COG5: variants seen among roughly 807,000 people sequenced by gnomAD.
COG5 encodes conserved oligomeric Golgi complex subunit 5.
In COG5, 86 loss-of-function variants were observed where a neutral mutation model predicts 110.4. That is an observed-to-expected ratio of 0.78 (90% CI 0.65 to 0.93). COG5 has a LOEUF of 0.93. Ranked by LOEUF, COG5 falls within the 40% of genes least tolerant of loss-of-function variation. The pLI is 0.00. For synonymous variants in COG5, 360 were observed against 334.6 expected (o/e 1.08, Z -0.83); for missense variants, 1,077 against 987.0 (o/e 1.09, Z -1.22).
intron 2 of COG5, among the ~76,000 whole-genome samples, chr7:107,554,771 C>T (rs1803179350): frequency 6.6e-6 from 1 of 152,056 alleles, no homozygotes; most frequent in African/African-American, 2.4e-5. Context: ...CAGTCTTCCT[C>T]GGGCCTCTCC....
In COG5 at chr7:107,384,256, G is replaced by A. The variant is rs369605785; in HGVS notation, c.670-11496C>T. On this transcript the variant is annotated intron_variant, in intron 7 of 21. Transcript: ENST00000297135. The stretch of plus-strand genomic sequence containing the variant: ...CCCCCTGTCAGCAAGAGGCAGTTAA[G>A]ATCAGTCTTCATCTTTACCCTTCCA... Among the ~76,000 whole-genome samples, 53 of 152,198 alleles carry A rather than the reference G, an allele frequency of 3.5e-4. 1 individual carries two copies. In the South Asian group the frequency reaches 0.01, roughly 30 times the overall value.
chr7:107,422,712 A>G (rs1235681552), intron 6 of COG5, among the ~76,000 whole-genome samples: 2 of 150,404 alleles, frequency 1.3e-5, no homozygotes, highest in African/African-American at 4.9e-5. Context: ...AAAGCAAGCC[A>G]TGACTCTGTG....
intron 5 of COG5, among the ~76,000 whole-genome samples, chr7:107,540,478 T>C (rs1801896750): frequency 6.6e-6 from 1 of 151,280 alleles, no homozygotes; most frequent in African/African-American, 2.4e-5. Context: ...CTTGGGAGGC[T>C]GGGGCAGGAG....
rs933728851 is a variant in COG5 at position 107,236,370 on chromosome 7, C to A, written c.2091+80G>T. 4.8e-6 allele frequency: 5 copies of A among 1,052,514 alleles called. No individual in the cohort carries two copies. In the Admixed American group the frequency reaches 8.5e-5, roughly 18 times the overall value. 65.2% of individuals were successfully genotyped at this position (1,052,514 alleles called of 1,614,324 possible). A position where few individuals can be genotyped will look rare whatever the true frequency, so the allele number is the denominator to read the frequency against. On this transcript the variant is annotated intron_variant, in intron 18 of 21. Transcript: ENST00000297135. ...TTGTGCTGCAACTCTTTAAAAACAC[C>A]GATGAAAACACATTCTTTCATTTAA...
At chr7:107,297,504 A>G (rs1806861825) in intron 12 of COG5, among the ~76,000 whole-genome samples, 2 of 127,518 alleles carry the variant, frequency 1.6e-5, no homozygotes, top group Non-Finnish European at 3.1e-5. Flanking sequence ...GCTGGAGTGC[A>G]GTGACGTGAT....
chr7:107,524,569 C>T (rs772547624), intron 6 of COG5, among the ~76,000 whole-genome samples: 5 of 152,122 alleles, frequency 3.3e-5, no homozygotes, highest in Non-Finnish European at 7.4e-5. Context: ...ATAGTGACTG[C>T]AAAATTATTA....
chr7:107,452,360 T>C (rs1324570789), intron 6 of COG5, among the ~76,000 whole-genome samples: 2 of 152,160 alleles, frequency 1.3e-5, no homozygotes, highest in African/African-American at 2.4e-5. Flanking sequence ...TTTGGCCCTA[T>C]CTCTCAACGC....
At chr7:107,462,265 T>G (rs1211930722) in intron 6 of COG5, among the ~76,000 whole-genome samples, 6 of 152,160 alleles carry the variant, frequency 3.9e-5, no homozygotes, top group Non-Finnish European at 2.9e-5. Context: ...AAAGGCTAAG[T>G]GTGTGTTCAC....
At chr7:107,250,094 T>A (rs1241614181) in intron 16 of COG5, among the ~76,000 whole-genome samples, 1 of 152,126 alleles carries the variant, frequency 6.6e-6, no homozygotes, top group Non-Finnish European at 1.5e-5. Flanking sequence ...GGTTAATGAT[T>A]TGGATTTAGG....
chr7:107,416,370 C>T (rs1792846747), intron 6 of COG5, among the ~76,000 whole-genome samples: 1 of 151,848 alleles, frequency 6.6e-6, no homozygotes, highest in South Asian at 2.1e-4. Context: ...ATCTCAATAA[C>T]ATAATGTTAA....
In COG5 at chr7:107,328,292, T is replaced by C. The variant is rs149990624; in HGVS notation, c.1027-3771A>G. On this transcript the variant is annotated intron_variant, in intron 10 of 21. Coordinates refer to ENST00000297135, the MANE Select transcript of COG5 (RefSeq NM_006348.5). Reference sequence around the variant, plus strand: ...ACTGTAGGTAATTGTAACACAATAGTACATTTGTGTATCTAAACATCAAAA... The same window carrying C: ...ACTGTAGGTAATTGTAACACAATAGCACATTTGTGTATCTAAACATCAAAA... 1.7e-4 allele frequency among the ~76,000 whole-genome samples: 26 copies of C among 152,352 alleles called. No individual in the cohort carries two copies. In the East Asian group the frequency reaches 4.6e-3, roughly 27 times the overall value.
At chr7:107,259,106 T>C (rs770670021) in intron 14 of COG5, among the ~76,000 whole-genome samples, 1 of 152,142 alleles carries the variant, frequency 6.6e-6, no homozygotes, top group East Asian at 1.9e-4. Flanking sequence ...GAATGCTTTA[T>C]TGAGTTAATC....
At chr7:107,323,672 G>A (rs901312708) in intron 11 of COG5, among the ~76,000 whole-genome samples, 3 of 152,206 alleles carry the variant, frequency 2.0e-5, no homozygotes, top group African/African-American at 7.2e-5. Flanking sequence ...TACTTCATTA[G>A]AAATAAGTAG....
chr7:107,505,316 T>G (rs145117652), intron 6 of COG5, among the ~76,000 whole-genome samples: 1 of 152,098 alleles, frequency 6.6e-6, no homozygotes, highest in Non-Finnish European at 1.5e-5. Flanking sequence ...AAGCTCTCAG[T>G]GAAACACACT....
intron 7 of COG5, among the ~76,000 whole-genome samples, chr7:107,405,307 C>CA (rs1236022399): frequency 1.3e-5 from 2 of 152,140 alleles, no homozygotes; most frequent in African/African-American, 4.8e-5. Context: ...AGAGACTGAA[C>CA]AATGGTTCGT....
chr7:107,364,071 A>G (rs1813376735), intron 8 of COG5, among the ~76,000 whole-genome samples: 1 of 152,222 alleles, frequency 6.6e-6, no homozygotes. Context: ...GCACTCTGGC[A>G]TATGCCAATT....
intron 6 of COG5, among the ~76,000 whole-genome samples, chr7:107,482,392 C>A (rs770736192): frequency 2.6e-5 from 4 of 151,970 alleles, no homozygotes; most frequent in African/African-American, 7.3e-5. Flanking sequence ...GCAATCCTCC[C>A]GCCTTGGCCT....
chr7:107,258,341 T>C lies in COG5; in HGVS notation c.1618A>G (p.Thr540Ala). The change falls in exon 15 of 22, where the codon ACT becomes GCT. Residue 540 changes from threonine to alanine, a missense_variant. By Grantham distance (58) the Thr-to-Ala change is moderately conservative. Transcript: ENST00000297135. ...GDASQVIGPL[T>A]EGQRRNVAVV... ...GCCACATTTCTTCTCTGTCCTTCAGTAAGAGGCCCAATCACCTGACTTGCA... is the reference window on the plus strand; with the variant it reads ...GCCACATTTCTTCTCTGTCCTTCAGCAAGAGGCCCAATCACCTGACTTGCA... 1.2e-6 allele frequency: 2 copies of C among 1,613,216 alleles called. No homozygotes were observed. The highest frequency in any genetic ancestry group is 1.7e-6 in the Non-Finnish European group (2 of 1,179,278).
chr7:107,563,557 G>GA, intron 1 of COG5: 1 of 475,838 alleles, frequency 2.1e-6, no homozygotes, highest in Middle Eastern at 5.6e-4. Context: ...GGGGGGGGGG[G>GA]GTCGAGTTGA....
Sources: allele counts gnomAD v4.1 joint callset (sites outside exome capture counted in the v4.1 genomes callset), GRCh38; gene constraint gnomAD v4.1.1; transcripts MANE v1.5; gene names NCBI Gene and HGNC (gene_info 2026-07-23, HGNC 2026-07-21).